Variants in DENND1A observed in about 807,000 individuals in gnomAD.
The protein encoded by DENND1A is DENN domain containing 1A.
In DENND1A, 51 loss-of-function variants were observed where a neutral mutation model predicts 113.7. The observed-to-expected ratio is 0.45, with a 90% CI of 0.36 to 0.57. The LOEUF is 0.57. DENND1A is among the 20% of genes least tolerant of loss of function. The pLI, the probability that DENND1A is intolerant of heterozygous loss-of-function variation, is 0.00. For missense variants in DENND1A, 1,258 were observed against 1,395.9 expected, an observed-to-expected ratio of 0.90 and a Z score of 1.57; for synonymous variants, 565 against 570.8, an observed-to-expected ratio of 0.99 and a Z score of 0.14.
chr9:123,504,928 G>T (rs908060242), intron 13 of DENND1A, among the ~76,000 whole-genome samples: 3 of 152,272 alleles, frequency 2.0e-5, no homozygotes, highest in South Asian at 2.1e-4. Flanking sequence ...CAGTCACGAT[G>T]AACCACAGCA....
chr9:123,508,622 T>C (rs2053178181), intron 13 of DENND1A, among the ~76,000 whole-genome samples: 1 of 152,178 alleles, frequency 6.6e-6, no homozygotes, highest in African/African-American at 2.4e-5. Context: ...TGAGGAAAAA[T>C]GCTTGTTTTA....
At chr9:123,820,800 A>C (rs1303560986) in intron 2 of DENND1A, among the ~76,000 whole-genome samples, 1 of 152,234 alleles carries the variant, frequency 6.6e-6, no homozygotes, top group East Asian at 1.9e-4. Context: ...GCAATTGTTC[A>C]TATCACAAAA....
At position 123,473,633 on chromosome 9, in the gene DENND1A, C is replaced by T. The variant is rs566442846; in HGVS notation, c.994-15736G>A. On this transcript the variant is annotated intron_variant, in intron 13 of 23. Transcript: ENST00000394215. ...CTTATCTGCCCTGGAACCACCCGTT[C>T]CTCTTGTGTAGGAAGCAGTATGAGG... Among the ~76,000 whole-genome samples the T allele has an allele frequency of 5.3e-5, 8 of 152,322 alleles. No individual in the cohort carries two copies. The South Asian group carries it at 1.7e-3, about 32-fold the overall frequency.
chr9:123,885,105 G>T (rs1441666857), intron 1 of DENND1A, among the ~76,000 whole-genome samples: 1 of 151,580 alleles, frequency 6.6e-6, no homozygotes, highest in African/African-American at 2.4e-5. Flanking sequence ...CCACCTTTAT[G>T]CTCCCAAGCA....
chr9:123,818,106 G>A (rs1011011166), intron 2 of DENND1A, among the ~76,000 whole-genome samples: 224 of 152,010 alleles, frequency 1.5e-3, no homozygotes, highest in African/African-American at 5.1e-3. Flanking sequence ...ATTGTTTTTC[G>A]TTTTGTTTTG....
chr9:123,558,932 T>C (rs1033763717), intron 12 of DENND1A, among the ~76,000 whole-genome samples: 2 of 152,206 alleles, frequency 1.3e-5, no homozygotes, highest in African/African-American at 4.8e-5. Flanking sequence ...ACGTGGGTCT[T>C]GCCCTCATTC....
chr9:123,509,666 G>A (rs1457867234), intron 13 of DENND1A, among the ~76,000 whole-genome samples: 2 of 152,232 alleles, frequency 1.3e-5, no homozygotes, highest in African/African-American at 4.8e-5. Context: ...CATGAGATGA[G>A]AGCTTTCCAA....
Position 123,382,498 on chromosome 9 carries a change from G to A in DENND1A, c.2147C>T (p.Ala716Val). 1.9e-6 allele frequency: 3 copies of A among 1,613,992 alleles called. No homozygotes were observed. Among genetic ancestry groups the A allele is most frequent in the Non-Finnish European group, 2.5e-6 (3 of 1,179,932 alleles). The change falls in exon 24 of 24, where the codon GCC becomes GTC. Residue 716 changes from alanine (A) to valine (V), a missense_variant. Transcript: ENST00000394215. ...DMAIPSKPPAASPEKPSALLG... is the reference protein window; with the variant it reads ...DMAIPSKPPAVSPEKPSALLG... ...CAGGGCTGAGGGCTTCTCAGGGGAG[G>A]CAGCTGGGGGCTTGCTGGGGATGGC...
In DENND1A at chr9:123,903,421, C is replaced by T. The variant is rs182637549; in HGVS notation, c.18-24400G>A. Among the ~76,000 whole-genome samples the T allele has an allele frequency of 1.0e-2, 1,487 of 148,982 alleles. 14 individuals are homozygous for T. The highest frequency in any genetic ancestry group is 0.02 in the East Asian group (101 of 5,064). Reference sequence around the variant, plus strand: ...GGTATACAGCTCCCAGCGTGAGCAACACAGAAGATGGGTGATTTCTGCATT... The same window carrying T: ...GGTATACAGCTCCCAGCGTGAGCAATACAGAAGATGGGTGATTTCTGCATT... On this transcript the variant is annotated intron_variant, in intron 1 of 23. Transcript: ENST00000394215.
At chr9:123,555,124 T>C (rs1354635264) in intron 13 of DENND1A, among the ~76,000 whole-genome samples, 1 of 152,176 alleles carries the variant, frequency 6.6e-6, no homozygotes, top group African/African-American at 2.4e-5. Flanking sequence ...TTGCTGTTCA[T>C]CTCCCATATT....
intron 18 of DENND1A, 70 bp downstream of exon 18, chr9:123,450,623 C>T: frequency 7.7e-7 from 1 of 1,295,822 alleles, no homozygotes; most frequent in Non-Finnish European, 1.1e-6. Context: ...CTATTGATCC[C>T]CTCATACTTT....
At chr9:123,738,636 G>C (rs1233665252) in intron 5 of DENND1A, among the ~76,000 whole-genome samples, 2 of 152,138 alleles carry the variant, frequency 1.3e-5, no homozygotes, top group Non-Finnish European at 2.9e-5. Context: ...CTAAAGTGCT[G>C]AAAGAATTGG....
chr9:123,702,943 T>C (rs1480374199), intron 5 of DENND1A, among the ~76,000 whole-genome samples: 1 of 152,222 alleles, frequency 6.6e-6, no homozygotes, highest in Non-Finnish European at 1.5e-5. Context: ...ATATCAAGTA[T>C]ATAGGTTAAA....
chr9:123,604,237 G>A (rs1258469800), intron 11 of DENND1A, among the ~76,000 whole-genome samples: 5 of 152,146 alleles, frequency 3.3e-5, no homozygotes, highest in Non-Finnish European at 5.9e-5. Context: ...GCTGCTCTCT[G>A]CTCCCTGGTT....
At chr9:123,762,955 A>G (rs1213245848) in intron 4 of DENND1A, among the ~76,000 whole-genome samples, 2 of 152,236 alleles carry the variant, frequency 1.3e-5, no homozygotes, top group Non-Finnish European at 2.9e-5. Flanking sequence ...CAAGGAACCA[A>G]AAGGACAGGA....
chr9:123,531,554 TACACACACAC>T (rs57819030), intron 13 of DENND1A, among the ~76,000 whole-genome samples: 313 of 103,188 alleles, frequency 3.0e-3, no homozygotes, highest in African/African-American at 0.011. Context: ...CCTCTCTCTC[TACACACACAC>T]ACACACACAC....
At chr9:123,758,034 T>C (rs1174973821) in intron 4 of DENND1A, among the ~76,000 whole-genome samples, 3 of 143,284 alleles carry the variant, frequency 2.1e-5, no homozygotes, top group African/African-American at 2.6e-5. Context: ...ACCTCAGAAA[T>C]CAAATAATCA....
intron 6 of DENND1A, among the ~76,000 whole-genome samples, chr9:123,676,512 C>T (rs945607537): frequency 1.4e-4 from 22 of 152,006 alleles, no homozygotes; most frequent in Admixed American, 3.9e-4. Flanking sequence ...AGAAAACAAC[C>T]CAAAATGCTA....
At chr9:123,798,549 C>G (rs1444207475) in intron 2 of DENND1A, 1 of 151,982 alleles carries the variant, frequency 6.6e-6, no homozygotes, top group East Asian at 1.9e-4. Context: ...AGGATTTTAA[C>G]CAGCAAATGC....
Sources: gnomAD v4.1 joint callset for allele counts (sites outside exome capture counted in the v4.1 genomes callset) on GRCh38, gnomAD v4.1.1 for gene constraint, MANE v1.5 for transcripts, NCBI Gene and HGNC (gene_info 2026-07-23, HGNC 2026-07-21) for gene names.